FRMD6: variants seen among roughly 807,000 people sequenced by gnomAD.
The protein encoded by FRMD6 is FERM domain containing 6, also known as FERM domain-containing protein 6.
A neutral mutation model predicts 73.2 loss-of-function variants in FRMD6; 37 were observed. That is an observed-to-expected ratio of 0.51 (90% CI 0.39 to 0.66). The LOEUF (loss-of-function observed/expected upper bound fraction) is 0.66, where lower values mean the gene tolerates loss of function less well. Among genes scored for constraint, FRMD6 ranks in the 30% least tolerant of loss-of-function variants. FRMD6 has a pLI of 0.00. For missense variants in FRMD6, 714 were observed against 780.5 expected, an observed-to-expected ratio of 0.91 and a Z score of 1.02; for synonymous variants, 273 against 282.2, an observed-to-expected ratio of 0.97 and a Z score of 0.33.
intron 9 of FRMD6, among the ~76,000 whole-genome samples, chr14:51,713,232 C>T (rs1897045494): frequency 6.6e-6 from 1 of 152,056 alleles, no homozygotes; most frequent in Non-Finnish European, 1.5e-5. Context: ...CCAAGGTGAG[C>T]AGATCACCTG....
intron 1 of FRMD6, among the ~76,000 whole-genome samples, chr14:51,526,022 G>A (rs1036820144): frequency 1.3e-5 from 2 of 152,176 alleles, no homozygotes; most frequent in African/African-American, 4.8e-5. Context: ...TCTATTCTGG[G>A]ACACTGGAGA....
At chr14:51,480,838 G>T in the FRMD6 span, among the ~76,000 whole-genome samples, 2 of 152,140 alleles carry the variant, frequency 1.3e-5, no homozygotes, top group Admixed American at 6.5e-5. Context: ...ATATTACCTG[G>T]GAGAAACCAT....
At chr14:51,565,471 A>G (rs538542358) in intron 1 of FRMD6, 3 of 152,368 alleles carry the variant, frequency 2.0e-5, no homozygotes, top group African/African-American at 7.2e-5. Context: ...CTTCTTGCCC[A>G]AAGGTAGTTT....
chr14:51,695,851 A>C (rs924622060), intron 2 of FRMD6, among the ~76,000 whole-genome samples: 1 of 152,170 alleles, frequency 6.6e-6, no homozygotes, highest in African/African-American at 2.4e-5. Context: ...CAGTAAACCC[A>C]TTCTTCTTAC....
At chr14:51,537,901 A>G (rs1372023457) in intron 1 of FRMD6, among the ~76,000 whole-genome samples, 1 of 152,162 alleles carries the variant, frequency 6.6e-6, no homozygotes, top group Non-Finnish European at 1.5e-5. Flanking sequence ...TATTTTGAAT[A>G]ACAGTTCTTT....
At chr14:51,663,376 G>T (rs1415723560) in intron 1 of FRMD6, among the ~76,000 whole-genome samples, 1 of 152,216 alleles carries the variant, frequency 6.6e-6, no homozygotes, top group Non-Finnish European at 1.5e-5. Flanking sequence ...ATGCCTATCA[G>T]TGGTAGACTG....
intron 1 of FRMD6, among the ~76,000 whole-genome samples, chr14:51,671,279 T>TC (rs35857785): frequency 0.14 from 21,436 of 152,208 alleles, 1,646 homozygotes; most frequent in African/African-American, 0.17. Flanking sequence ...TATTCCCCTT[T>TC]TTTGGTTTTC....
chr14:51,549,213 G>A (rs1352488903), intron 1 of FRMD6, among the ~76,000 whole-genome samples: 1 of 152,132 alleles, frequency 6.6e-6, no homozygotes, highest in Non-Finnish European at 1.5e-5. Flanking sequence ...ATGGATAGAT[G>A]GATGGAGGGA....
the FRMD6 span, among the ~76,000 whole-genome samples, chr14:51,397,566 T>C: frequency 6.6e-6 from 1 of 152,224 alleles, no homozygotes; most frequent in Non-Finnish European, 1.5e-5. Context: ...TTGCTTTTCT[T>C]CAAAAGTTAG....
chr14:51,695,369 A>C (rs1241168373), intron 2 of FRMD6, among the ~76,000 whole-genome samples: 1 of 152,194 alleles, frequency 6.6e-6, no homozygotes, highest in Admixed American at 6.5e-5. Context: ...GGCCTTTTAA[A>C]GTGAGTGTTG....
At chr14:51,614,168 C>T (rs549780963) in intron 2 of FRMD6, among the ~76,000 whole-genome samples, 4 of 152,192 alleles carry the variant, frequency 2.6e-5, no homozygotes, top group East Asian at 1.9e-4. Flanking sequence ...AACACATCTG[C>T]GCTTGGTTAA....
chr14:51,650,610 T>C (rs1178208416), upstream of FRMD6: 2 of 151,154 alleles, frequency 1.3e-5, no homozygotes, highest in African/African-American at 4.9e-5. Flanking sequence ...TTAGCCGGGA[T>C]GGTCTCGATC....
intron 2 of FRMD6, among the ~76,000 whole-genome samples, chr14:51,585,591 T>G (rs1303402483): frequency 6.6e-6 from 1 of 152,128 alleles, no homozygotes; most frequent in Admixed American, 6.5e-5. Context: ...TTAGATCGAA[T>G]AACAACTGAG....
At chr14:51,677,168 T>C (rs1894448032) in intron 1 of FRMD6, among the ~76,000 whole-genome samples, 1 of 152,090 alleles carries the variant, frequency 6.6e-6, no homozygotes, top group Non-Finnish European at 1.5e-5. Context: ...CATTTCCTTG[T>C]TGTTAGGAGC....
chr14:51,668,446 C>T (rs1893759422), intron 1 of FRMD6, among the ~76,000 whole-genome samples: 1 of 152,048 alleles, frequency 6.6e-6, no homozygotes, highest in Non-Finnish European at 1.5e-5. Context: ...GCTGGGATTA[C>T]AGGCATGCAC....
At chr14:51,413,602 AG>A in the FRMD6 span, among the ~76,000 whole-genome samples, 1 of 152,224 alleles carries the variant, frequency 6.6e-6, no homozygotes, top group Non-Finnish European at 1.5e-5. Flanking sequence ...CTATGTGAAT[AG>A]TGCTGCAATA....
the FRMD6 span, among the ~76,000 whole-genome samples, chr14:51,397,907 G>T: frequency 6.6e-6 from 1 of 152,004 alleles, no homozygotes; most frequent in Non-Finnish European, 1.5e-5. Flanking sequence ...ATATCTCAAG[G>T]TATATAGTCA....
At chr14:51,500,388 G>A (rs752255550) in intron 1 of FRMD6, among the ~76,000 whole-genome samples, 5 of 152,038 alleles carry the variant, frequency 3.3e-5, no homozygotes, top group South Asian at 2.1e-4. Flanking sequence ...TTAGCCAGGC[G>A]TGGTGGCACG....
intron 1 of FRMD6, among the ~76,000 whole-genome samples, chr14:51,491,078 GC>G (rs1344377823): frequency 1.3e-5 from 2 of 152,140 alleles, no homozygotes; most frequent in Non-Finnish European, 2.9e-5. Flanking sequence ...GGTGGGTGGA[GC>G]CCCTTCCCCT....
Sources: allele counts gnomAD v4.1 joint callset (sites outside exome capture counted in the v4.1 genomes callset), GRCh38; gene constraint gnomAD v4.1.1; transcripts MANE v1.5; gene names NCBI Gene and HGNC (gene_info 2026-07-23, HGNC 2026-07-21).